The following TAB2 variants were observed in gnomAD, a reference collection of about 807,000 sequenced individuals.
TAB2 encodes TGF-beta-activated kinase 1 and MAP3K7-binding protein 2.
TAB2 carries 3 observed loss-of-function variants against 65.0 expected under a neutral mutation model. That is an observed-to-expected ratio of 0.05 (90% CI 0.02 to 0.12). The LOEUF (loss-of-function observed/expected upper bound fraction) is 0.12. Among genes scored for constraint, TAB2 ranks in the 10% least tolerant of loss-of-function variants. TAB2 has a pLI of 1.00. For synonymous variants in TAB2, 298 were observed against 285.1 expected (o/e 1.05, Z -0.46); for missense variants, 623 against 840.3 (o/e 0.74, Z 3.20).
chr6:149,351,844 T>TA (rs1780501590), intron 1 of TAB2, among the ~76,000 whole-genome samples: 1 of 152,202 alleles, frequency 6.6e-6, no homozygotes, highest in Non-Finnish European at 1.5e-5. Flanking sequence ...AGTGTGCACT[T>TA]ATGGAACTGA....
rs547953724 is a variant in TAB2 at position 149,382,807 on chromosome 6, A to T, written c.1603+3289A>T. Reference sequence around the variant, plus strand: ...GGATGTAGCTAAAAAACCATTAATTAAAAAAAGGCAACCATAGGGAAAGAT... The same window carrying T: ...GGATGTAGCTAAAAAACCATTAATTTAAAAAAGGCAACCATAGGGAAAGAT... On this transcript the variant is annotated intron_variant, in intron 3 of 6. Transcript: ENST00000637181. 1.1e-3 allele frequency among the ~76,000 whole-genome samples: 173 copies of T among 152,190 alleles called. 1 individual carries two copies. Among genetic ancestry groups the T allele is most frequent in the Non-Finnish European group, 4.1e-4 (28 of 68,000 alleles).
At chr6:149,366,952 T>A (rs1781059118) in intron 1 of TAB2, among the ~76,000 whole-genome samples, 1 of 122,436 alleles carries the variant, frequency 8.2e-6, no homozygotes, top group South Asian at 2.9e-4. Context: ...AAATTGTGTA[T>A]AAATTTTTTT....
At chr6:149,400,383 G>T (rs752973932) in intron 6 of TAB2, 1 of 1,613,336 alleles carries the variant, frequency 6.2e-7, no homozygotes, top group African/African-American at 1.3e-5. Flanking sequence ...GGAGACTCCG[G>T]TGTTCACCAT....
chr6:149,391,851 T>C (rs559755654), intron 3 of TAB2, among the ~76,000 whole-genome samples: 36 of 152,266 alleles, frequency 2.4e-4, no homozygotes, highest in Admixed American at 1.6e-3. Flanking sequence ...CCTCCTTGTC[T>C]TTCCATTCTA....
At chr6:149,223,430 C>G (rs1355976629) in intron 1 of TAB2, among the ~76,000 whole-genome samples, 1 of 152,206 alleles carries the variant, frequency 6.6e-6, no homozygotes, top group Non-Finnish European at 1.5e-5. Flanking sequence ...TCTAAGAACC[C>G]CTGTGATTTT....
intron 1 of TAB2, among the ~76,000 whole-genome samples, chr6:149,293,738 T>C (rs1778824586): frequency 6.6e-6 from 1 of 152,246 alleles, no homozygotes; most frequent in African/African-American, 2.4e-5. Flanking sequence ...AAATTTATGA[T>C]ATCTTCCAAA....
chr6:149,360,744 CTGAGT>C (rs1482213428), intron 1 of TAB2, among the ~76,000 whole-genome samples: 2 of 152,192 alleles, frequency 1.3e-5, no homozygotes, highest in African/African-American at 4.8e-5. Context: ...AAAGTATCAT[CTGAGT>C]TAAGCCAAGT....
intron 1 of TAB2, among the ~76,000 whole-genome samples, chr6:149,359,625 A>G (rs1780779775): frequency 6.6e-6 from 1 of 152,206 alleles, no homozygotes; most frequent in Non-Finnish European, 1.5e-5. Context: ...ACATAGTATT[A>G]AAACCCCAGC....
At chr6:149,403,767 G>A (rs1048901354) in intron 6 of TAB2, among the ~76,000 whole-genome samples, 3 of 151,888 alleles carry the variant, frequency 2.0e-5, no homozygotes, top group Admixed American at 1.3e-4. Context: ...TATGGTGAGC[G>A]AGACAGTGGG....
At chr6:149,390,009 TAC>T (rs1330027517) in intron 3 of TAB2, among the ~76,000 whole-genome samples, 12 of 152,224 alleles carry the variant, frequency 7.9e-5, no homozygotes, top group Admixed American at 7.9e-4. Context: ...GCAGCACTGT[TAC>T]AAGATCTGAT....
Position 149,410,003 on chromosome 6 carries a change from A to G in TAB2, c.*284A>G, listed in dbSNP as rs1782794645. 3 of 470,116 alleles carry G rather than the reference A, an allele frequency of 6.4e-6. No homozygotes were observed. The highest frequency in any genetic ancestry group is 4.7e-5 in the South Asian group (2 of 42,730). 29.1% of individuals were successfully genotyped at this position (470,116 alleles called of 1,614,324 possible). On this transcript the variant is annotated 3_prime_UTR_variant, in exon 7 of 7. Transcript: ENST00000637181. ...AGTGTCCCATTATGGATAATTCTCA[A>G]TATGTTAACACCTAGGTGTTCCCAA...
Position 149,332,904 on chromosome 6 carries a change from C to A in TAB2, c.-90+14889C>A, listed in dbSNP as rs188787581. 2.4e-3 allele frequency among the ~76,000 whole-genome samples: 365 copies of A among 152,218 alleles called. 2 individuals are homozygous for A. Among genetic ancestry groups the A allele is most frequent in the African/African-American group, 8.5e-3 (351 of 41,534 alleles). The stretch of plus-strand genomic sequence containing the variant: ...TGTAATTTGGAAAATTTTTTAAATG[C>A]CACAAGTTTTTTCTGTTGTAACTGA... On this transcript the variant is annotated intron_variant, in intron 1 of 6. Coordinates refer to ENST00000637181, the MANE Select transcript of TAB2 (RefSeq NM_001292034.3).
At chr6:149,393,544 C>T (rs996145027) in intron 3 of TAB2, among the ~76,000 whole-genome samples, 6 of 152,132 alleles carry the variant, frequency 3.9e-5, no homozygotes, top group African/African-American at 1.4e-4. Context: ...AATCAGATTT[C>T]TGCCTGCTGT....
intron 2 of TAB2, among the ~76,000 whole-genome samples, chr6:149,372,648 CT>C (rs1228591456): frequency 6.6e-6 from 1 of 151,872 alleles, no homozygotes; most frequent in African/African-American, 2.4e-5. Context: ...AAATGAAATA[CT>C]TTGCTTGCCT....
At chr6:149,305,402 T>G (rs1779046832) in intron 1 of TAB2, among the ~76,000 whole-genome samples, 1 of 152,226 alleles carries the variant, frequency 6.6e-6, no homozygotes, top group South Asian at 2.1e-4. Context: ...TTTGTCACTT[T>G]GAATACGTTT....
intron 1 of TAB2, among the ~76,000 whole-genome samples, chr6:149,287,217 T>G (rs28561618): frequency 0.013 from 2,016 of 152,340 alleles, 39 homozygotes; most frequent in African/African-American, 0.046. Context: ...AAACAATATA[T>G]TGACATGAGT....
chr6:149,284,681 CA>C (rs1415693081), intron 1 of TAB2, among the ~76,000 whole-genome samples: 1 of 128,186 alleles, frequency 7.8e-6, no homozygotes, highest in East Asian at 2.9e-4. Flanking sequence ...CACACACACA[CA>C]CACACACACA....
chr6:149,234,580 C>A (rs556294824), intron 1 of TAB2, among the ~76,000 whole-genome samples: 1 of 152,114 alleles, frequency 6.6e-6, no homozygotes, highest in South Asian at 2.1e-4. Context: ...CACCTCCTGC[C>A]GCATGTACCT....
intron 1 of TAB2, among the ~76,000 whole-genome samples, chr6:149,341,583 A>G (rs1368532866): frequency 6.6e-6 from 1 of 152,214 alleles, no homozygotes; most frequent in Non-Finnish European, 1.5e-5. Context: ...AGATTTCTGC[A>G]GTTTAATTTC....
Sources: gnomAD v4.1 joint callset for allele counts (sites outside exome capture counted in the v4.1 genomes callset) on GRCh38, gnomAD v4.1.1 for gene constraint, MANE v1.5 for transcripts, NCBI Gene and HGNC (gene_info 2026-07-23, HGNC 2026-07-21) for gene names.